The following GLMN variants were observed in gnomAD, a reference collection of about 807,000 sequenced individuals.
The protein encoded by GLMN is glomulin, FKBP associated protein.
A neutral mutation model predicts 87.8 loss-of-function variants in GLMN; 75 were observed. The ratio of observed to expected loss-of-function variants is 0.85; its 90% CI spans 0.71 to 1.04. GLMN has a LOEUF of 1.04. GLMN is among the 50% of genes least tolerant of loss of function. The pLI is 0.00. For missense variants in GLMN, 588 were observed against 658.8 expected (o/e 0.89, Z 1.18); for synonymous variants, 206 against 221.6 (o/e 0.93, Z 0.63).
chr1:92,275,373 G>A (rs1647205996), intron 7 of GLMN, among the ~76,000 whole-genome samples: 1 of 152,150 alleles, frequency 6.6e-6, no homozygotes, highest in Non-Finnish European at 1.5e-5. Context: ...TTCCTGTCTA[G>A]GACTTTCCTT....
chr1:92,264,329 A>C (rs1460948640), intron 14 of GLMN, among the ~76,000 whole-genome samples: 7 of 152,164 alleles, frequency 4.6e-5, no homozygotes, highest in Non-Finnish European at 7.4e-5. Flanking sequence ...AAACAAAAAC[A>C]AAAACCAAAA....
chr1:92,363,763 A>G, the GLMN span: 1 of 328,840 alleles, frequency 3.0e-6, no homozygotes, highest in South Asian at 2.8e-5. Context: ...ACTTCCACTT[A>G]ATGAATAGTA....
the GLMN span, among the ~76,000 whole-genome samples, chr1:92,356,178 A>G: frequency 6.6e-6 from 1 of 152,022 alleles, no homozygotes; most frequent in Non-Finnish European, 1.5e-5. Flanking sequence ...GGGTTTCACC[A>G]TCTTGGCCAG....
chr1:92,362,608 C>A, the GLMN span, among the ~76,000 whole-genome samples: 7 of 152,156 alleles, frequency 4.6e-5, no homozygotes, highest in Non-Finnish European at 7.4e-5. Context: ...CCGAGTGCAG[C>A]AAAAGCACTT....
intron 3 of GLMN, among the ~76,000 whole-genome samples, chr1:92,295,990 G>A (rs1650003523): frequency 5.9e-5 from 9 of 152,014 alleles, no homozygotes; most frequent in Admixed American, 5.9e-4. Flanking sequence ...TTATTATATT[G>A]GAGGTTACAA....
the GLMN span, among the ~76,000 whole-genome samples, chr1:92,370,661 C>G: frequency 2.0e-5 from 3 of 151,600 alleles, no homozygotes; most frequent in Non-Finnish European, 2.9e-5. Flanking sequence ...GACCAAATCA[C>G]TATATTAAGA....
chr1:92,294,926 G>A (rs180931236), intron 3 of GLMN, among the ~76,000 whole-genome samples: 4 of 152,264 alleles, frequency 2.6e-5, no homozygotes, highest in East Asian at 1.9e-4. Flanking sequence ...TGATCCACCC[G>A]CCTCGGCCTC....
the GLMN span, among the ~76,000 whole-genome samples, chr1:92,339,054 TTA>T: frequency 6.6e-6 from 1 of 152,222 alleles, no homozygotes; most frequent in Non-Finnish European, 1.5e-5. Context: ...TACACACTTT[TTA>T]TCTAGCTTAT....
chr1:92,307,312 A>G, the GLMN span: 1 of 1,358,828 alleles, frequency 7.4e-7, no homozygotes, highest in Non-Finnish European at 1.0e-6. Flanking sequence ...ATTTGTTCAT[A>G]TATTCTAATA....
chr1:92,285,844 T>C (rs1273474650), intron 7 of GLMN, among the ~76,000 whole-genome samples: 1 of 152,222 alleles, frequency 6.6e-6, no homozygotes, highest in Non-Finnish European at 1.5e-5. Flanking sequence ...TTCAGATTAT[T>C]TCTCTAATAC....
chr1:92,271,778 CTA>C, intron 7 of GLMN, 126 bp from the exon 8 acceptor site: 1 of 692,832 alleles, frequency 1.4e-6, no homozygotes. Context: ...TGAGTGGGAC[CTA>C]TGAGACTTGC....
At chr1:92,288,616 TGG>T (rs1649045313) in intron 6 of GLMN, among the ~76,000 whole-genome samples, 1 of 151,948 alleles carries the variant, frequency 6.6e-6, no homozygotes, top group South Asian at 2.1e-4. Flanking sequence ...TTTATAGAGA[TGG>T]GGGTCTCACT....
At chr1:92,342,457 T>A in the GLMN span, among the ~76,000 whole-genome samples, 3 of 152,204 alleles carry the variant, frequency 2.0e-5, no homozygotes, top group Non-Finnish European at 4.4e-5. Flanking sequence ...ATAGGCCTTG[T>A]AGCTATGATC....
the GLMN span, among the ~76,000 whole-genome samples, chr1:92,334,767 A>G: frequency 3.9e-5 from 6 of 152,110 alleles, no homozygotes; most frequent in Non-Finnish European, 8.8e-5. Context: ...CAGGCAGATC[A>G]CAAGGTCAGG....
the GLMN span, among the ~76,000 whole-genome samples, chr1:92,312,186 G>C: frequency 6.6e-6 from 1 of 152,146 alleles, no homozygotes; most frequent in Non-Finnish European, 1.5e-5. Context: ...CAAGGCAGGA[G>C]GATCACTTAA....
intron 9 of GLMN, among the ~76,000 whole-genome samples, chr1:92,268,649 C>T (rs1469752452): frequency 2.0e-5 from 3 of 152,148 alleles, no homozygotes; most frequent in African/African-American, 7.2e-5. Flanking sequence ...TTAGTAACTA[C>T]TTGTGCCAGG....
chr1:92,268,854 G>T (rs1348634405), intron 9 of GLMN, among the ~76,000 whole-genome samples: 1 of 151,322 alleles, frequency 6.6e-6, no homozygotes, highest in Non-Finnish European at 1.5e-5. Context: ...AAAGCATATA[G>T]TTCTGTGAAA....
At chr1:92,269,265 T>C (rs1380403278) in intron 9 of GLMN, among the ~76,000 whole-genome samples, 1 of 151,782 alleles carries the variant, frequency 6.6e-6, no homozygotes, top group Non-Finnish European at 1.5e-5. Flanking sequence ...AAAGTTGTAA[T>C]TGAATGACAT....
At chr1:92,323,710 G>T in the GLMN span, 1 of 1,614,056 alleles carries the variant, frequency 6.2e-7, no homozygotes. Context: ...CAAAGACAAA[G>T]AACAGACAGT....
Sources: gnomAD v4.1 joint callset for allele counts (sites outside exome capture counted in the v4.1 genomes callset) on GRCh38, gnomAD v4.1.1 for gene constraint, MANE v1.5 for transcripts, NCBI Gene and HGNC (gene_info 2026-07-23, HGNC 2026-07-21) for gene names.